The following PRKAG2 variants were observed in gnomAD, a reference collection of about 807,000 sequenced individuals.
PRKAG2 encodes the protein 5'-AMP-activated protein kinase subunit gamma-2.
A neutral mutation model predicts 69.6 loss-of-function variants in PRKAG2; 26 were observed. That is an observed-to-expected ratio of 0.37 (90% CI 0.27 to 0.52). PRKAG2 has a LOEUF of 0.52. PRKAG2 is among the 20% of genes least tolerant of loss of function. The probability of loss-of-function intolerance (pLI) is 0.90; values close to 1 mark genes in which losing one functional copy is unlikely to be tolerated. For missense variants in PRKAG2, 557 were observed against 740.0 expected, an observed-to-expected ratio of 0.75 and a Z score of 2.87; for synonymous variants, 293 against 285.0, an observed-to-expected ratio of 1.03 and a Z score of -0.28.
At chr7:151,831,417 G>A (rs890076118) in intron 1 of PRKAG2, among the ~76,000 whole-genome samples, 1 of 152,124 alleles carries the variant, frequency 6.6e-6, no homozygotes, top group Non-Finnish European at 1.5e-5. Context: ...AAGGACTGAC[G>A]CATGGTACAA....
chr7:151,680,516 A>AT (rs1394845086), intron 3 of PRKAG2, among the ~76,000 whole-genome samples: 1 of 152,176 alleles, frequency 6.6e-6, no homozygotes, highest in Non-Finnish European at 1.5e-5. Context: ...TGCCTGTCTG[A>AT]TTTTGCCTAG....
chr7:151,709,892 G>A lies in PRKAG2; in HGVS notation c.467-34255C>T, dbSNP rs577083159. 4.6e-4 allele frequency among the ~76,000 whole-genome samples: 70 copies of A among 152,250 alleles called. 1 individual carries two copies. Among genetic ancestry groups the A allele is most frequent in the African/African-American group, 1.6e-3 (67 of 41,546 alleles). On this transcript the variant is annotated intron_variant, in intron 3 of 15. Coordinates refer to ENST00000287878, the MANE Select transcript of PRKAG2 (RefSeq NM_016203.4). The stretch of plus-strand genomic sequence containing the variant: ...ACGTGAGACTGACATTGAGTGATGT[G>A]ACAGTGACAGTGACATGTGATATTG...
At chr7:151,735,020 A>G (rs1799552760) in intron 3 of PRKAG2, among the ~76,000 whole-genome samples, 1 of 151,670 alleles carries the variant, frequency 6.6e-6, no homozygotes, top group African/African-American at 2.4e-5. Context: ...ACGCCCAGCT[A>G]ATTTTTTGTA....
At chr7:151,865,254 C>T (rs1028025654) in intron 1 of PRKAG2, among the ~76,000 whole-genome samples, 11 of 152,200 alleles carry the variant, frequency 7.2e-5, no homozygotes, top group African/African-American at 1.4e-4. Context: ...CAGTTGTCCC[C>T]GCGGCTCGGC....
At chr7:151,732,973 G>A (rs1311866572) in intron 3 of PRKAG2, among the ~76,000 whole-genome samples, 1 of 152,228 alleles carries the variant, frequency 6.6e-6, no homozygotes, top group Non-Finnish European at 1.5e-5. Flanking sequence ...GATTACAGGT[G>A]TGAGCCACCG....
chr7:151,602,488 CTG>C (rs1366417451), intron 5 of PRKAG2, among the ~76,000 whole-genome samples: 1 of 152,060 alleles, frequency 6.6e-6, no homozygotes, highest in Non-Finnish European at 1.5e-5. Flanking sequence ...TTTTGAAAAT[CTG>C]TAAGTTTGGT....
chr7:151,669,773 C>A (rs117968550), intron 4 of PRKAG2, among the ~76,000 whole-genome samples: 1 of 151,890 alleles, frequency 6.6e-6, no homozygotes, highest in Non-Finnish European at 1.5e-5. Context: ...CACCTGTGCA[C>A]ACACTTGCAC....
At chr7:151,818,654 C>T (rs1356738073) in intron 1 of PRKAG2, among the ~76,000 whole-genome samples, 1 of 152,234 alleles carries the variant, frequency 6.6e-6, no homozygotes, top group Non-Finnish European at 1.5e-5. Flanking sequence ...CACTGTCCTG[C>T]AAGATCTGTG....
chr7:151,875,562 G>GGTGT (rs55660204), intron 1 of PRKAG2, among the ~76,000 whole-genome samples: 6,410 of 131,048 alleles, frequency 0.049, 196 homozygotes, highest in East Asian at 0.063. Context: ...GGAGCACTCT[G>GGTGT]GTGTGTGTGT....
At position 151,598,687 on chromosome 7, in the gene PRKAG2, A is replaced by T. The variant is rs554155819; in HGVS notation, c.755-3233T>A. ...ACTAACTCATTGTTAGCAGACAGAA[A>T]TTTAAAAAAATTTTAAAGGTACTAT... On this transcript the variant is annotated intron_variant, in intron 5 of 15. Coordinates refer to ENST00000287878, the MANE Select transcript of PRKAG2 (RefSeq NM_016203.4). Among the ~76,000 whole-genome samples the T allele has an allele frequency of 3.3e-5, 5 of 152,346 alleles. No individual in the cohort carries two copies. In the East Asian group the frequency reaches 7.7e-4, roughly 23 times the overall value.
intron 5 of PRKAG2, among the ~76,000 whole-genome samples, chr7:151,608,884 C>CTT (rs1818133989): frequency 1.4e-5 from 2 of 144,674 alleles, no homozygotes; most frequent in South Asian, 4.4e-4. Context: ...TGATTTTTTT[C>CTT]TCTTTCTTTC....
intron 1 of PRKAG2, among the ~76,000 whole-genome samples, chr7:151,796,575 T>C (rs2077547936): frequency 6.6e-6 from 1 of 152,144 alleles, no homozygotes; most frequent in South Asian, 2.1e-4. Context: ...CAAGTGTCTG[T>C]CATGGCATCT....
At chr7:151,759,693 G>C (rs909034781) in intron 3 of PRKAG2, among the ~76,000 whole-genome samples, 2 of 152,160 alleles carry the variant, frequency 1.3e-5, no homozygotes, top group African/African-American at 2.4e-5. Context: ...CCTGCTCCCA[G>C]CACCAGACTC....
rs567784936 is a variant in PRKAG2, at chr7:151,567,559, T to C, written c.1233+1157A>G. On this transcript the variant is annotated intron_variant, in intron 11 of 15. Coordinates refer to ENST00000287878, the MANE Select transcript of PRKAG2 (RefSeq NM_016203.4). This position sits in a 1 kb window ranked among gnomAD's most constrained non-coding sequence, Gnocchi z 4.2. ...CCCTCTGTTCCTATTAAACTTCAAC[T>C]ACTAAAGCGGCTGCATTCCCAGATG... 6.6e-6 allele frequency among the ~76,000 whole-genome samples: 1 copy of C among 152,274 alleles called. No homozygotes were observed. Among genetic ancestry groups the C allele is most frequent in the South Asian group, 2.1e-4 (1 of 4,824 alleles).
intron 3 of PRKAG2, among the ~76,000 whole-genome samples, chr7:151,761,289 T>A (rs1436797222): frequency 4.6e-5 from 7 of 152,240 alleles, no homozygotes; most frequent in Non-Finnish European, 1.0e-4. Context: ...GAGGCCTGAA[T>A]TCTGCTAAGA....
chr7:151,635,149 C>T (rs1825528381), intron 4 of PRKAG2, among the ~76,000 whole-genome samples: 1 of 152,070 alleles, frequency 6.6e-6, no homozygotes, highest in Non-Finnish European at 1.5e-5. Context: ...TGAGGTTTCA[C>T]CATATTGGTC....
Position 151,632,301 on chromosome 7 carries a change from C to A in PRKAG2, c.685-163G>T, listed in dbSNP as rs1470856320. 1 of 929,894 alleles carries A rather than the reference C, an allele frequency of 1.1e-6. No individual in the cohort carries two copies. Among genetic ancestry groups the A allele is most frequent in the Non-Finnish European group, 1.3e-6 (1 of 781,024 alleles). 57.6% of individuals were successfully genotyped at this position (929,894 alleles called of 1,614,324 possible). On this transcript the variant is annotated intron_variant, in intron 4 of 15. Coordinates refer to ENST00000287878, the MANE Select transcript of PRKAG2 (RefSeq NM_016203.4). The surrounding 1 kb of genome is among the most constrained non-coding windows in gnomAD (Gnocchi z 4.2). Reference sequence around the variant, plus strand: ...GCGGGGGCCGGGGGCGGAGCGGGAGCGCTGCCCCCACCCGCCCGAGGCCGC... The same window carrying A: ...GCGGGGGCCGGGGGCGGAGCGGGAGAGCTGCCCCCACCCGCCCGAGGCCGC...
chr7:151,676,229 C>T (rs2151479645), intron 3 of PRKAG2, among the ~76,000 whole-genome samples: 1 of 128,980 alleles, frequency 7.8e-6, no homozygotes, highest in East Asian at 2.5e-4. Context: ...AGCCATGGGA[C>T]CATGTATCTG....
intron 1 of PRKAG2, among the ~76,000 whole-genome samples, chr7:151,849,218 G>A (rs2151894136): frequency 6.6e-6 from 1 of 152,372 alleles, no homozygotes; most frequent in African/African-American, 2.4e-5. Flanking sequence ...GGCTGCCTGG[G>A]GAAAGGGGCC....
Sources: allele counts gnomAD v4.1 joint callset (sites outside exome capture counted in the v4.1 genomes callset), GRCh38; gene constraint gnomAD v4.1.1; non-coding constraint Gnocchi (gnomAD v3.1); transcripts MANE v1.5; gene names NCBI Gene and HGNC (gene_info 2026-07-23, HGNC 2026-07-21).